The following PUDP variants were observed in gnomAD, a reference collection of about 807,000 sequenced individuals.
The protein encoded by PUDP is pseudouridine-5'-phosphatase.
A neutral mutation model predicts 9.4 loss-of-function variants in PUDP; 8 were observed. The observed-to-expected ratio is 0.85, with a 90% CI of 0.50 to 1.53. PUDP has a LOEUF of 1.53. PUDP is among the 40% of genes most tolerant of loss of function. The probability of loss-of-function intolerance (pLI) is 0.00; values close to 1 mark genes in which losing one functional copy is unlikely to be tolerated. For missense variants in PUDP, 188 were observed against 189.7 expected, an observed-to-expected ratio of 0.99 and a Z score of 0.05; for synonymous variants, 99 against 80.7, an observed-to-expected ratio of 1.23 and a Z score of -1.22.
chrX:6,934,878 G>C (rs1928270706), intron 3 of PUDP, among the ~76,000 whole-genome samples: 1 of 88,151 alleles, frequency 1.1e-5, no homozygotes, highest in Admixed American at 1.3e-4. Flanking sequence ...GATCAAAAGA[G>C]ACAAAGAAGG....
chrX:6,870,793 AC>A lies in PUDP; in HGVS notation c.*247+106339del, dbSNP rs755654733. On this transcript the variant is annotated intron_variant and NMD_transcript_variant, in intron 3 of 3. Coordinates refer to the PUDP transcript ENST00000655425. ...CAATATTCAAGGGCAGGGGATGCAAACCCTGTCTCTTGATGGGAAGTGTCAT... is the reference window on the plus strand; with the variant it reads ...CAATATTCAAGGGCAGGGGATGCAAACCTGTCTCTTGATGGGAAGTGTCAT... 2.7e-5 allele frequency among the ~76,000 whole-genome samples: 3 copies of A among 112,126 alleles called. No individual in the cohort carries two copies. In the East Asian group the frequency reaches 8.4e-4, roughly 32 times the overall value.
intron 1 of PUDP, among the ~76,000 whole-genome samples, chrX:7,000,800 A>T (rs1929315085): frequency 9.2e-6 from 1 of 108,259 alleles, no homozygotes; most frequent in African/African-American, 3.3e-5. Flanking sequence ...ACTCTGATAA[A>T]TAATACCTAG....
chrX:6,783,635 T>C (rs778363821), intron 3 of PUDP, among the ~76,000 whole-genome samples: 23 of 112,162 alleles, frequency 2.1e-4, no homozygotes, highest in Non-Finnish European at 2.8e-4. Context: ...AAGTCATGAA[T>C]GGACTTTTAA....
chrX:6,790,428 C>A (rs919453991), intron 3 of PUDP, among the ~76,000 whole-genome samples: 2 of 111,905 alleles, frequency 1.8e-5, no homozygotes, highest in Admixed American at 9.5e-5. Context: ...AAATAAAAAT[C>A]AAAAACTACT....
At chrX:6,981,219 G>T (rs751236089) in intron 1 of PUDP, among the ~76,000 whole-genome samples, 4 of 111,831 alleles carry the variant, frequency 3.6e-5, no homozygotes, top group Admixed American at 9.5e-5. Flanking sequence ...CAGTTGGTGG[G>T]GGGTAATTGA....
In PUDP at chrX:6,919,676, G is replaced by T. The variant is rs568665273; in HGVS notation, c.*247+57457C>A. Among the ~76,000 whole-genome samples, 8 of 108,198 alleles carry T rather than the reference G, an allele frequency of 7.4e-5. No individual in the cohort carries two copies. In the South Asian group the frequency reaches 3.2e-3, roughly 44 times the overall value. The allele number at this position is 108,198 out of a possible 115,157, so 94.0% of individuals were successfully genotyped here. ...TGTACTGAGGGGATGCTGAATATTT[G>T]AAAGAATGTCTGGACCAGCTGGGCC... On this transcript the variant is annotated intron_variant and NMD_transcript_variant, in intron 3 of 3. Coordinates refer to the PUDP transcript ENST00000655425.
intron 1 of PUDP, among the ~76,000 whole-genome samples, chrX:7,004,721 G>A (rs1929377557): frequency 8.9e-6 from 1 of 111,986 alleles, no homozygotes. Flanking sequence ...TACATATGTG[G>A]AAAATGGAAT....
In PUDP at chrX:7,082,605, G is replaced by A. The variant is rs191685218; in HGVS notation, c.281-5156C>T. Among the ~76,000 whole-genome samples, 167 of 112,433 alleles carry A rather than the reference G, an allele frequency of 1.5e-3. 1 individual carries two copies. Among genetic ancestry groups the A allele is most frequent in the Non-Finnish European group, 2.8e-3 (147 of 53,225 alleles). Reference sequence around the variant, plus strand: ...TGAAGTGAGACATGGAAGACAGCCCGTGCCACTGGGGCAGACGATGTGGTC... The same window carrying A: ...TGAAGTGAGACATGGAAGACAGCCCATGCCACTGGGGCAGACGATGTGGTC... On this transcript the variant is annotated intron_variant, in intron 2 of 3. Coordinates refer to ENST00000381077, the MANE Select transcript of PUDP (RefSeq NM_012080.5).
rs149841797 is a variant in PUDP at position 6,882,629 on chromosome X, T to C, written c.*247+94504A>G. Among the ~76,000 whole-genome samples the C allele has an allele frequency of 7.6e-3, 850 of 111,757 alleles. 6 individuals carry two copies. Among genetic ancestry groups the C allele is most frequent in the African/African-American group, 0.025 (764 of 30,741 alleles). On this transcript the variant is annotated intron_variant and NMD_transcript_variant, in intron 3 of 3. Coordinates refer to the PUDP transcript ENST00000655425. ...GGGATCATAACATCAGGAGTAGTCA[T>C]GAGCGGTGGTTAAGGCAATAAAGAA...
intron 3 of PUDP, among the ~76,000 whole-genome samples, chrX:7,052,956 C>T (rs1375492085): frequency 8.9e-6 from 1 of 112,401 alleles, no homozygotes; most frequent in African/African-American, 3.2e-5. Flanking sequence ...TCTCTGTTAT[C>T]TCATTCAGTG....
intron 3 of PUDP, among the ~76,000 whole-genome samples, chrX:6,731,173 C>T (rs1432059958): frequency 8.9e-6 from 1 of 112,219 alleles, no homozygotes; most frequent in Non-Finnish European, 1.9e-5. Context: ...TGGGCTCAAG[C>T]TATCCTCCTG....
exon 2 of PUDP, among the ~76,000 whole-genome samples, chrX:6,978,329 C>T (rs1353390956): frequency 2.0e-5 from 2 of 100,986 alleles, no homozygotes; most frequent in African/African-American, 3.5e-5. Flanking sequence ...TAGGAAATGC[C>T]ATGTAATGTT....
intron 1 of PUDP, among the ~76,000 whole-genome samples, chrX:7,040,768 C>T (rs1191156789): frequency 9.0e-6 from 1 of 111,174 alleles, no homozygotes; most frequent in East Asian, 2.8e-4. Context: ...ACCTCCTCCA[C>T]CCAAGAACTG....
intron 3 of PUDP, among the ~76,000 whole-genome samples, chrX:6,734,597 AC>A (rs773361815): frequency 9.0e-6 from 1 of 111,224 alleles, no homozygotes; most frequent in Admixed American, 9.5e-5. Context: ...ATGTAGCAAG[AC>A]CCTATTTCTA....
chrX:6,867,366 C>A (rs1393024601), intron 3 of PUDP, among the ~76,000 whole-genome samples: 1 of 111,951 alleles, frequency 8.9e-6, no homozygotes, highest in African/African-American at 3.2e-5. Flanking sequence ...GAATACAGCA[C>A]CCTCACTTTC....
intron 3 of PUDP, among the ~76,000 whole-genome samples, chrX:6,795,536 G>T (rs573516792): frequency 2.7e-5 from 3 of 111,625 alleles, no homozygotes; most frequent in African/African-American, 9.8e-5. Flanking sequence ...GATGAACCCT[G>T]TGCTTAGGGA....
chrX:6,836,562 T>G (rs1398047418), intron 3 of PUDP, among the ~76,000 whole-genome samples: 1 of 112,418 alleles, frequency 8.9e-6, no homozygotes, highest in African/African-American at 3.2e-5. Flanking sequence ...GAATAAATTC[T>G]GCCAATCTTC....
At chrX:6,780,156 TATATACACATACACACAC>T (rs1421676289) in intron 3 of PUDP, among the ~76,000 whole-genome samples, 13 of 110,031 alleles carry the variant, frequency 1.2e-4, no homozygotes, top group Non-Finnish European at 2.1e-4. Flanking sequence ...TATACACACA[TATATACACATACACACAC>T]ATATACACAT....
chrX:6,768,289 C>T (rs1925310903), intron 3 of PUDP, among the ~76,000 whole-genome samples: 1 of 111,315 alleles, frequency 9.0e-6, no homozygotes, highest in African/African-American at 3.3e-5. Flanking sequence ...CACGAGACAG[C>T]CCTAGACAAC....
Sources: allele counts gnomAD v4.1 joint callset (sites outside exome capture counted in the v4.1 genomes callset), GRCh38; gene constraint gnomAD v4.1.1; transcripts MANE v1.5; gene names NCBI Gene and HGNC (gene_info 2026-07-23, HGNC 2026-07-21).